Variants in DPP6 observed in about 807,000 individuals in gnomAD.
The protein encoded by DPP6 is A-type potassium channel modulatory protein DPP6.
A neutral mutation model predicts 122.6 loss-of-function variants in DPP6; 69 were observed. The observed-to-expected ratio is 0.56, with a 90% CI of 0.46 to 0.69. The LOEUF (loss-of-function observed/expected upper bound fraction) is 0.69, where lower values mean the gene tolerates loss of function less well. Among genes scored for constraint, DPP6 ranks in the 30% least tolerant of loss-of-function variants. The probability of loss-of-function intolerance (pLI) is 0.00; values close to 1 mark genes in which losing one functional copy is unlikely to be tolerated. For synonymous variants in DPP6, 418 were observed against 433.1 expected (o/e 0.97, Z 0.43); for missense variants, 928 against 1,116.9 (o/e 0.83, Z 2.41).
chr7:154,088,884 A>C (rs560469288), intron 1 of DPP6, among the ~76,000 whole-genome samples: 1 of 152,342 alleles, frequency 6.6e-6, no homozygotes, highest in South Asian at 2.1e-4. Flanking sequence ...AATTTAAAAC[A>C]GTTGCTCTGG....
intron 1 of DPP6, among the ~76,000 whole-genome samples, chr7:154,007,348 TTTG>T (rs1175600503): frequency 6.6e-6 from 1 of 152,192 alleles, no homozygotes; most frequent in African/African-American, 2.4e-5. Flanking sequence ...GTTTTCAAAG[TTTG>T]TTGTTCTTGA....
At chr7:154,645,149 G>A (rs1292673430) in intron 6 of DPP6, among the ~76,000 whole-genome samples, 3 of 145,258 alleles carry the variant, frequency 2.1e-5, no homozygotes, top group Admixed American at 7.1e-5. Context: ...TGCAAGCTCC[G>A]CCTCCCAGGT....
intron 1 of DPP6, among the ~76,000 whole-genome samples, chr7:153,955,684 C>T (rs1206381568): frequency 3.3e-5 from 5 of 152,154 alleles, no homozygotes; most frequent in African/African-American, 1.2e-4. Context: ...GGCGATCCAC[C>T]CACCTCGGCC....
intron 1 of DPP6, among the ~76,000 whole-genome samples, chr7:154,112,881 C>T (rs547341528): frequency 6.6e-6 from 1 of 152,216 alleles, no homozygotes; most frequent in South Asian, 2.1e-4. Flanking sequence ...ACCCATGGAA[C>T]GCCTCCCATT....
At chr7:154,582,683 G>A (rs1339073730) in intron 5 of DPP6, among the ~76,000 whole-genome samples, 1 of 152,142 alleles carries the variant, frequency 6.6e-6, no homozygotes, top group Non-Finnish European at 1.5e-5. Context: ...GCAAAATAAA[G>A]CAAAGACAAA....
intron 1 of DPP6, among the ~76,000 whole-genome samples, chr7:154,127,254 G>C (rs1261470257): frequency 6.6e-6 from 1 of 152,154 alleles, no homozygotes; most frequent in East Asian, 1.9e-4. Flanking sequence ...AATGATTGCT[G>C]TAGACATTTT....
intron 1 of DPP6, among the ~76,000 whole-genome samples, chr7:154,044,251 A>G (rs1799908873): frequency 6.6e-6 from 1 of 152,136 alleles, no homozygotes; most frequent in South Asian, 2.1e-4. Context: ...GTATAGACAA[A>G]CCTATTTTTC....
At chr7:154,362,283 C>T (rs1454898410) in intron 1 of DPP6, among the ~76,000 whole-genome samples, 3 of 152,238 alleles carry the variant, frequency 2.0e-5, no homozygotes, top group Non-Finnish European at 4.4e-5. Context: ...ACAGCCTTCT[C>T]TCAGGGCTCC....
rs909340246 is a variant in DPP6, at chr7:154,235,814, T to A, written c.243+182751T>A. ...TTCTTAGGTGTATTACCTGGGCAAC[T>A]ACTAACACCTTGTTACCTCAGTTTT... On this transcript the variant is annotated intron_variant, in intron 1 of 25. Transcript: ENST00000377770. Among the ~76,000 whole-genome samples the A allele has an allele frequency of 9.2e-5, 14 of 152,210 alleles. No homozygotes were observed. The South Asian group carries it at 1.0e-3, about 11-fold the overall frequency.
intron 1 of DPP6, among the ~76,000 whole-genome samples, chr7:154,163,416 T>G (rs1311518698): frequency 6.6e-6 from 1 of 152,250 alleles, no homozygotes; most frequent in Non-Finnish European, 1.5e-5. Flanking sequence ...CTTTTTTATT[T>G]AAAAATCATC....
In DPP6 at chr7:154,624,887, T is replaced by C. The variant is rs1377664512; in HGVS notation, c.628-12934T>C. Among the ~76,000 whole-genome samples, 1 of 152,198 alleles carries C rather than the reference T, an allele frequency of 6.6e-6. No individual in the cohort carries two copies. The highest frequency in any genetic ancestry group is 2.4e-5 in the African/African-American group (1 of 41,452). On this transcript the variant is annotated intron_variant, in intron 5 of 25. Coordinates refer to ENST00000377770, the MANE Select transcript of DPP6 (RefSeq NM_130797.4). This position sits in a 1 kb window ranked among gnomAD's most constrained non-coding sequence, Gnocchi z 4.7. ...CCCATCTGTGAGCATGCTTCAGGGC[T>C]GAGCATATGACCAACATTTTACATT...
At chr7:154,673,968 TG>T (rs1320299406) in intron 7 of DPP6, among the ~76,000 whole-genome samples, 8 of 151,928 alleles carry the variant, frequency 5.3e-5, no homozygotes, top group African/African-American at 1.9e-4. Flanking sequence ...CTCCACCTCC[TG>T]GGTTCAAGCA....
At chr7:154,563,035 T>C (rs1830525366) in intron 4 of DPP6, among the ~76,000 whole-genome samples, 1 of 152,176 alleles carries the variant, frequency 6.6e-6, no homozygotes, top group Non-Finnish European at 1.5e-5. Context: ...TGTATTAATA[T>C]GATTAGACCT....
chr7:153,991,616 G>C (rs1797181488), intron 1 of DPP6, among the ~76,000 whole-genome samples: 1 of 152,162 alleles, frequency 6.6e-6, no homozygotes, highest in East Asian at 1.9e-4. Flanking sequence ...ACCTGCCTTT[G>C]CATCATGACT....
chr7:154,847,524 G>T (rs1584882183), intron 16 of DPP6, among the ~76,000 whole-genome samples: 1 of 151,922 alleles, frequency 6.6e-6, no homozygotes, highest in East Asian at 1.9e-4. Context: ...TTGGTTTGGG[G>T]CTCTTTCATT....
At chr7:154,293,971 G>T (rs940838140) in intron 1 of DPP6, among the ~76,000 whole-genome samples, 1 of 152,142 alleles carries the variant, frequency 6.6e-6, no homozygotes, top group Admixed American at 6.5e-5. Context: ...GCCTAGCCAT[G>T]ACGAGAGCCA....
intron 5 of DPP6, among the ~76,000 whole-genome samples, chr7:154,629,212 G>A (rs1366462465): frequency 6.6e-6 from 1 of 152,132 alleles, no homozygotes; most frequent in Non-Finnish European, 1.5e-5. Context: ...ATCTGTTAAT[G>A]ATGGAACACT....
At chr7:154,471,030 C>T (rs1822222260) in intron 2 of DPP6, among the ~76,000 whole-genome samples, 1 of 152,086 alleles carries the variant, frequency 6.6e-6, no homozygotes, top group Non-Finnish European at 1.5e-5. Context: ...GTGGGCGGAT[C>T]ACCTGAGGTC....
intron 1 of DPP6, among the ~76,000 whole-genome samples, chr7:154,157,098 G>T (rs1420821625): frequency 3.3e-5 from 5 of 152,246 alleles, no homozygotes; most frequent in African/African-American, 9.6e-5. Context: ...TTTGCTTAAG[G>T]TGTTCACATT....
Sources: allele counts gnomAD v4.1 joint callset (sites outside exome capture counted in the v4.1 genomes callset), GRCh38; gene constraint gnomAD v4.1.1; non-coding constraint Gnocchi (gnomAD v3.1); transcripts MANE v1.5; gene names NCBI Gene and HGNC (gene_info 2026-07-23, HGNC 2026-07-21).